The following TENM4 variants were observed in gnomAD, a reference collection of about 807,000 sequenced individuals.
The protein encoded by TENM4 is teneurin-4.
Under a neutral mutation model 243.3 loss-of-function variants are expected in TENM4, and 82 were observed. The ratio of observed to expected loss-of-function variants is 0.34; its 90% CI spans 0.28 to 0.40. The LOEUF is 0.40. Ranked by LOEUF, TENM4 falls within the 10% of genes least tolerant of loss-of-function variation. The probability of loss-of-function intolerance (pLI) is 1.00; values close to 1 mark genes in which losing one functional copy is unlikely to be tolerated. For synonymous variants in TENM4, 1,412 were observed against 1,456.3 expected (o/e 0.97, Z 0.69); for missense variants, 3,138 against 3,673.3 (o/e 0.85, Z 3.77).
intron 3 of TENM4, among the ~76,000 whole-genome samples, chr11:79,195,082 C>A (rs1362201195): frequency 6.6e-6 from 1 of 152,230 alleles, no homozygotes; most frequent in African/African-American, 2.4e-5. Flanking sequence ...AAGCCCCAAG[C>A]CTTGGCAGCC....
Position 79,192,762 on chromosome 11 carries a change from TAA to T in TENM4, c.-163+23044_-163+23045del, listed in dbSNP as rs199995640. On this transcript the variant is annotated intron_variant, in intron 3 of 33. Coordinates refer to ENST00000278550, the MANE Select transcript of TENM4 (RefSeq NM_001098816.3). ...ATGATCAATAAAAAAAAAATAAAATTAAAAAAAAAAATATTTTCAGCACAGAG... is the reference window on the plus strand; with the variant it reads ...ATGATCAATAAAAAAAAAATAAAATTAAAAAAAAATATTTTCAGCACAGAG... 3.1e-3 allele frequency among the ~76,000 whole-genome samples: 463 copies of T among 148,878 alleles called. 2 individuals are homozygous for T. Among genetic ancestry groups the T allele is most frequent in the African/African-American group, 0.01 (425 of 40,848 alleles).
intron 7 of TENM4, among the ~76,000 whole-genome samples, chr11:78,897,430 G>A (rs1414742009): frequency 6.6e-6 from 1 of 152,154 alleles, no homozygotes; most frequent in Non-Finnish European, 1.5e-5. Context: ...CTGGGGGTGG[G>A]GGCCTGGGGA....
intron 6 of TENM4, among the ~76,000 whole-genome samples, chr11:78,985,961 T>C (rs1306679456): frequency 6.6e-6 from 1 of 152,222 alleles, no homozygotes; most frequent in Non-Finnish European, 1.5e-5. Flanking sequence ...CCTATGCATC[T>C]AATGGAGCCT....
At chr11:79,079,624 G>A (rs772977065) in intron 4 of TENM4, among the ~76,000 whole-genome samples, 13 of 152,076 alleles carry the variant, frequency 8.5e-5, no homozygotes, top group Non-Finnish European at 1.8e-4. Context: ...GAGGCCGGGA[G>A]TTTGTGACCA....
intron 1 of TENM4, among the ~76,000 whole-genome samples, chr11:79,334,404 A>C (rs555760092): frequency 5.3e-5 from 8 of 152,218 alleles, no homozygotes; most frequent in Non-Finnish European, 5.9e-5. Context: ...CTTTCACCGC[A>C]GCCTTCAACC....
intron 4 of TENM4, among the ~76,000 whole-genome samples, chr11:79,140,502 G>A (rs1432421001): frequency 6.6e-6 from 1 of 152,062 alleles, no homozygotes; most frequent in Non-Finnish European, 1.5e-5. Flanking sequence ...TCCTGTTTAA[G>A]ACGCTTCCAA....
chr11:79,075,557 T>C (rs1290915297), intron 4 of TENM4, among the ~76,000 whole-genome samples: 1 of 152,256 alleles, frequency 6.6e-6, no homozygotes, highest in Non-Finnish European at 1.5e-5. Context: ...ATTATGTAAC[T>C]ACTTTAAACC....
chr11:79,157,290 T>C (rs1862642958), intron 3 of TENM4, among the ~76,000 whole-genome samples: 2 of 152,176 alleles, frequency 1.3e-5, no homozygotes, highest in African/African-American at 4.8e-5. Flanking sequence ...CAATACATCT[T>C]TGTGAACCTA....
At chr11:78,868,683 G>A (rs1433923609) in intron 9 of TENM4, among the ~76,000 whole-genome samples, 1 of 152,212 alleles carries the variant, frequency 6.6e-6, no homozygotes, top group African/African-American at 2.4e-5. Flanking sequence ...TCATTATGCA[G>A]GAGTCACCAA....
intron 1 of TENM4, among the ~76,000 whole-genome samples, chr11:79,319,631 T>C (rs956035952): frequency 6.6e-6 from 1 of 152,134 alleles, no homozygotes; most frequent in Non-Finnish European, 1.5e-5. Context: ...GCCTTGAGTA[T>C]CGATGCTAAC....
At position 79,051,004 on chromosome 11, in the gene TENM4, TG is replaced by T. The variant is rs573773343; in HGVS notation, c.493+13733del. Among the ~76,000 whole-genome samples the T allele has an allele frequency of 8.7e-4, 132 of 152,322 alleles. 1 individual carries two copies. Among genetic ancestry groups the T allele is most frequent in the Middle Eastern group, 3.4e-3 (1 of 294 alleles). ...GCATGCGTGTGGAGTCAGATAGACCTGGGGTTGAATCCCATCTCCTCCATGG... is the reference window on the plus strand; with the variant it reads ...GCATGCGTGTGGAGTCAGATAGACCTGGGTTGAATCCCATCTCCTCCATGG... On this transcript the variant is annotated intron_variant, in intron 6 of 33. Coordinates refer to ENST00000278550, the MANE Select transcript of TENM4 (RefSeq NM_001098816.3).
intron 6 of TENM4, among the ~76,000 whole-genome samples, chr11:79,045,543 C>G (rs192258992): frequency 2.6e-5 from 4 of 152,278 alleles, no homozygotes; most frequent in Admixed American, 6.5e-5. Context: ...CACCCCACCC[C>G]CTTACTGACA....
chr11:78,783,419 A>G (rs925431091), intron 16 of TENM4, among the ~76,000 whole-genome samples: 1 of 152,090 alleles, frequency 6.6e-6, no homozygotes, highest in African/African-American at 2.4e-5. Flanking sequence ...AAAATGAAGA[A>G]TCCCTTTTTC....
intron 4 of TENM4, among the ~76,000 whole-genome samples, chr11:79,143,901 A>G (rs1434825282): frequency 1.3e-5 from 2 of 151,822 alleles, no homozygotes; most frequent in Non-Finnish European, 2.9e-5. Context: ...AAGATTTTCC[A>G]AGTAAAACTC....
intron 7 of TENM4, among the ~76,000 whole-genome samples, chr11:78,899,495 T>G (rs1246241810): frequency 7.2e-6 from 1 of 138,838 alleles, no homozygotes; most frequent in African/African-American, 2.7e-5. Flanking sequence ...GAAGGACTGC[T>G]TGAGTCTGGG....
intron 6 of TENM4, among the ~76,000 whole-genome samples, chr11:79,008,636 G>A (rs1858554784): frequency 6.6e-6 from 1 of 152,102 alleles, no homozygotes; most frequent in Non-Finnish European, 1.5e-5. Context: ...GCCATAAAGT[G>A]GTAGTACTAT....
At chr11:79,164,258 T>C (rs1238655546) in intron 3 of TENM4, among the ~76,000 whole-genome samples, 2 of 110,178 alleles carry the variant, frequency 1.8e-5, no homozygotes, top group Non-Finnish European at 3.1e-5. Flanking sequence ...ATATATAGTA[T>C]ATAGATATAC....
intron 6 of TENM4, among the ~76,000 whole-genome samples, chr11:78,918,916 C>T (rs1856383535): frequency 6.6e-6 from 1 of 152,162 alleles, no homozygotes; most frequent in Non-Finnish European, 1.5e-5. Context: ...GGGTTTGAAT[C>T]CCAGCTCTGC....
chr11:78,906,216 A>ACC (rs1317581637), intron 6 of TENM4, among the ~76,000 whole-genome samples: 1 of 152,216 alleles, frequency 6.6e-6, no homozygotes, highest in African/African-American at 2.4e-5. Flanking sequence ...GCTCACAACA[A>ACC]CCCTTCGGGG....
Sources: allele counts gnomAD v4.1 joint callset (sites outside exome capture counted in the v4.1 genomes callset), GRCh38; gene constraint gnomAD v4.1.1; transcripts MANE v1.5; gene names NCBI Gene and HGNC (gene_info 2026-07-23, HGNC 2026-07-21).